Variants in DTNB observed in about 807,000 individuals in gnomAD.
DTNB encodes the protein dystrobrevin beta, also known as DTN-B.
In DTNB, 63 loss-of-function variants were observed where a neutral mutation model predicts 90.7. The observed-to-expected ratio is 0.69, with a 90% CI of 0.57 to 0.86. The LOEUF (loss-of-function observed/expected upper bound fraction) is 0.86. DTNB is among the 40% of genes least tolerant of loss of function. The pLI, the probability that DTNB is intolerant of heterozygous loss-of-function variation, is 0.00. For synonymous variants in DTNB, 277 were observed against 286.7 expected (o/e 0.97, Z 0.34); for missense variants, 744 against 807.1 (o/e 0.92, Z 0.95).
intron 9 of DTNB, among the ~76,000 whole-genome samples, chr2:25,510,771 G>C (rs540742683): frequency 1.3e-5 from 2 of 152,258 alleles, no homozygotes; most frequent in South Asian, 4.1e-4. Context: ...GCCTCCCAAA[G>C]TGCTGGGATT....
chr2:25,541,735 C>G (rs2081303507), intron 8 of DTNB, among the ~76,000 whole-genome samples: 1 of 152,118 alleles, frequency 6.6e-6, no homozygotes, highest in Admixed American at 6.5e-5. Context: ...GTACAAACAT[C>G]TCTTTGAGAC....
At chr2:25,396,769 A>C (rs1050035172) in intron 16 of DTNB, among the ~76,000 whole-genome samples, 2 of 147,606 alleles carry the variant, frequency 1.4e-5, no homozygotes, top group Non-Finnish European at 3.0e-5. Context: ...GGTGCTAGGG[A>C]TAGCTCTTGT....
chr2:25,513,108 G>A (rs1471648645), intron 9 of DTNB, among the ~76,000 whole-genome samples: 1 of 152,204 alleles, frequency 6.6e-6, no homozygotes, highest in African/African-American at 2.4e-5. Context: ...TCTAAACTCA[G>A]GCACCAGTCA....
At chr2:25,471,608 T>C (rs1460605435) in intron 10 of DTNB, among the ~76,000 whole-genome samples, 1 of 151,996 alleles carries the variant, frequency 6.6e-6, no homozygotes, top group Non-Finnish European at 1.5e-5. Context: ...GTTGGCCAGG[T>C]TGGTCTCAAA....
intron 16 of DTNB, among the ~76,000 whole-genome samples, chr2:25,398,469 G>C (rs1044462284): frequency 6.6e-6 from 1 of 152,208 alleles, no homozygotes; most frequent in African/African-American, 2.4e-5. Flanking sequence ...GGTAATACCA[G>C]TTTGCAATCC....
At chr2:25,591,923 T>G (rs1244489626) in intron 6 of DTNB, among the ~76,000 whole-genome samples, 1 of 151,728 alleles carries the variant, frequency 6.6e-6, no homozygotes, top group East Asian at 1.9e-4. Flanking sequence ...TAGCCAGGCA[T>G]GGTGGCAGGC....
chr2:25,664,177 T>C (rs1422184514), intron 1 of DTNB, among the ~76,000 whole-genome samples: 1 of 152,244 alleles, frequency 6.6e-6, no homozygotes, highest in East Asian at 1.9e-4. Flanking sequence ...TTTTTATTAC[T>C]GCTTTTTCAT....
intron 15 of DTNB, among the ~76,000 whole-genome samples, chr2:25,422,898 T>C (rs1271943721): frequency 6.6e-6 from 1 of 152,162 alleles, no homozygotes; most frequent in Non-Finnish European, 1.5e-5. Context: ...TCAGTCTACA[T>C]TATGTCATTA....
At chr2:25,586,931 C>T (rs2062553289) in intron 6 of DTNB, among the ~76,000 whole-genome samples, 1 of 152,174 alleles carries the variant, frequency 6.6e-6, no homozygotes, top group South Asian at 2.1e-4. Flanking sequence ...ATCAGATTGG[C>T]AAAAATTCAA....
At chr2:25,399,744 G>A (rs1288451950) in intron 16 of DTNB, among the ~76,000 whole-genome samples, 1 of 152,240 alleles carries the variant, frequency 6.6e-6, no homozygotes, top group South Asian at 2.1e-4. Flanking sequence ...TATCCGGGTG[G>A]AGTCTCCTCC....
chr2:25,590,609 A>G (rs186697747), intron 6 of DTNB, among the ~76,000 whole-genome samples: 1 of 151,820 alleles, frequency 6.6e-6, no homozygotes, highest in East Asian at 1.9e-4. Context: ...TTCAGCTCTT[A>G]GCAGACAGGA....
intron 9 of DTNB, among the ~76,000 whole-genome samples, chr2:25,494,125 G>A (rs1008979291): frequency 1.2e-4 from 19 of 152,162 alleles, no homozygotes; most frequent in African/African-American, 2.4e-4. Flanking sequence ...AGTGTGAAAT[G>A]CATCAGCACT....
At chr2:25,523,195 TCACTCAAACCTATTTGCAAA>T (rs145315579) in intron 9 of DTNB, among the ~76,000 whole-genome samples, 22,127 of 152,086 alleles carry the variant, frequency 0.15, 2,053 homozygotes, top group East Asian at 0.51. Flanking sequence ...TTCTTCACTC[TCACTCAAACCTATTTGCAAA>T]CACTCAAACC....
intron 4 of DTNB, among the ~76,000 whole-genome samples, chr2:25,609,657 TACACACAC>T (rs4007298): frequency 0.066 from 8,363 of 126,948 alleles, 266 homozygotes; most frequent in Middle Eastern, 0.089. Flanking sequence ...TAATAGAATG[TACACACAC>T]ACACACACAC....
intron 12 of DTNB, among the ~76,000 whole-genome samples, chr2:25,449,761 TC>T (rs1653442394): frequency 7.8e-6 from 1 of 128,800 alleles, no homozygotes; most frequent in African/African-American, 2.7e-5. Context: ...TGTCTGTTTT[TC>T]TTTTTCTTTT....
chr2:25,472,530 T>G (rs2062995693), intron 10 of DTNB, among the ~76,000 whole-genome samples: 1 of 152,186 alleles, frequency 6.6e-6, no homozygotes, highest in Admixed American at 6.5e-5. Flanking sequence ...GGGTTTTAGC[T>G]TGTAGAACTG....
At chr2:25,570,423 A>G (rs2059685273) in intron 8 of DTNB, among the ~76,000 whole-genome samples, 1 of 150,598 alleles carries the variant, frequency 6.6e-6, no homozygotes, top group Non-Finnish European at 1.5e-5. Context: ...AAAAAAAAAA[A>G]AAAAAAAAGA....
intron 1 of DTNB, among the ~76,000 whole-genome samples, chr2:25,668,324 G>A (rs1423023958): frequency 6.6e-6 from 1 of 152,204 alleles, no homozygotes; most frequent in Admixed American, 6.5e-5. Flanking sequence ...CTAAGCAAAA[G>A]AAGCCAATCT....
intron 3 of DTNB, among the ~76,000 whole-genome samples, chr2:25,630,836 C>A (rs2075523906): frequency 8.4e-6 from 1 of 119,218 alleles, no homozygotes. Context: ...AAGAGTGAAA[C>A]TCCGTCCCAA....
Sources: gnomAD v4.1 joint callset for allele counts (sites outside exome capture counted in the v4.1 genomes callset) on GRCh38, gnomAD v4.1.1 for gene constraint, MANE v1.5 for transcripts, NCBI Gene and HGNC (gene_info 2026-07-23, HGNC 2026-07-21) for gene names.